Variants in FTCDNL1 observed in about 807,000 individuals in gnomAD.
The protein encoded by FTCDNL1 is formiminotransferase N-terminal subdomain-containing protein.
In FTCDNL1, 11 loss-of-function variants were observed where a neutral mutation model predicts 5.9. That is an observed-to-expected ratio of 1.87 (90% confidence interval 1.18 to 3.10). FTCDNL1 has a LOEUF of 3.10. Among genes scored for constraint, FTCDNL1 ranks in the 30% most tolerant of loss-of-function variants. The pLI, the probability that FTCDNL1 is intolerant of heterozygous loss-of-function variation, is 0.00. For synonymous variants in FTCDNL1, 58 were observed against 24.8 expected (o/e 2.34, Z -3.99); for missense variants, 115 against 65.5 (o/e 1.76, Z -2.61).
chr2:199,769,223 T>C (rs1456181399), intron 3 of FTCDNL1, among the ~76,000 whole-genome samples: 1 of 152,106 alleles, frequency 6.6e-6, no homozygotes, highest in African/African-American at 2.4e-5. Context: ...AGAAAAAAAT[T>C]GAAGGAGTGA....
chr2:199,763,822 G>C (rs570867981), intron 3 of FTCDNL1, among the ~76,000 whole-genome samples: 1 of 152,126 alleles, frequency 6.6e-6, no homozygotes, highest in Non-Finnish European at 1.5e-5. Flanking sequence ...AAATGACAAT[G>C]TTGGAATATT....
the FTCDNL1 span, among the ~76,000 whole-genome samples, chr2:199,723,918 T>C: frequency 6.6e-6 from 1 of 151,996 alleles, no homozygotes; most frequent in Non-Finnish European, 1.5e-5. Context: ...TAGGGAGGAG[T>C]CCCTCCTTTT....
chr2:199,790,315 T>G (rs754132773), intron 3 of FTCDNL1, among the ~76,000 whole-genome samples: 1 of 151,932 alleles, frequency 6.6e-6, no homozygotes, highest in Non-Finnish European at 1.5e-5. Flanking sequence ...CTGGCCAACA[T>G]GGTGAAACCC....
intron 2 of FTCDNL1, among the ~76,000 whole-genome samples, chr2:199,847,832 G>T (rs1323211729): frequency 2.6e-5 from 4 of 152,148 alleles, no homozygotes; most frequent in Admixed American, 6.5e-5. Flanking sequence ...CAAAAAGCAT[G>T]CAAAATCACA....
chr2:199,715,791 G>C, the FTCDNL1 span, among the ~76,000 whole-genome samples: 1 of 151,990 alleles, frequency 6.6e-6, no homozygotes, highest in Non-Finnish European at 1.5e-5. Flanking sequence ...GAGCCAATGG[G>C]GCAAGAATAA....
At chr2:199,804,431 A>C (rs1412949353), downstream of FTCDNL1, among the ~76,000 whole-genome samples, 1 of 152,212 alleles carries the variant, frequency 6.6e-6, no homozygotes, top group Non-Finnish European at 1.5e-5. Flanking sequence ...TACTTATTTA[A>C]ATTATATAAT....
At chr2:199,807,051 T>A (rs190194342), downstream of FTCDNL1, among the ~76,000 whole-genome samples, 37 of 152,332 alleles carry the variant, frequency 2.4e-4, no homozygotes, top group East Asian at 7.1e-3. Flanking sequence ...GTAGGGCTGC[T>A]TCTAAGAGGC....
the FTCDNL1 span, among the ~76,000 whole-genome samples, chr2:199,704,507 A>G: frequency 6.6e-6 from 1 of 152,218 alleles, no homozygotes; most frequent in South Asian, 2.1e-4. Context: ...TACATGCAAA[A>G]TGCTGAAAAG....
downstream of FTCDNL1, among the ~76,000 whole-genome samples, chr2:199,757,449 T>A (rs1223488006): frequency 6.6e-6 from 1 of 152,110 alleles, no homozygotes; most frequent in African/African-American, 2.4e-5. Flanking sequence ...AGAATGTGAA[T>A]GCAAAGGATG....
chr2:199,780,847 G>T (rs1337802527), intron 3 of FTCDNL1, among the ~76,000 whole-genome samples: 1 of 152,128 alleles, frequency 6.6e-6, no homozygotes, highest in East Asian at 1.9e-4. Flanking sequence ...GTGTGACCAG[G>T]ATCAAATGTC....
At chr2:199,723,697 T>C in the FTCDNL1 span, among the ~76,000 whole-genome samples, 1 of 152,124 alleles carries the variant, frequency 6.6e-6, no homozygotes, top group East Asian at 1.9e-4. Flanking sequence ...TGTTAGTGTG[T>C]ATATGTTGAA....
chr2:199,817,649 G>A (rs1457717811), intron 4 of FTCDNL1, among the ~76,000 whole-genome samples: 1 of 151,802 alleles, frequency 6.6e-6, no homozygotes, highest in Non-Finnish European at 1.5e-5. Flanking sequence ...AGGATGAGGT[G>A]GGGGAATCAC....
the FTCDNL1 span, among the ~76,000 whole-genome samples, chr2:199,690,455 C>T: frequency 9.8e-5 from 15 of 152,322 alleles, no homozygotes; most frequent in African/African-American, 3.6e-4. Context: ...CTTCCTCTCT[C>T]ACCGGCTGTC....
At chr2:199,769,892 C>A (rs531719354) in intron 3 of FTCDNL1, among the ~76,000 whole-genome samples, 2 of 152,170 alleles carry the variant, frequency 1.3e-5, no homozygotes, top group African/African-American at 4.8e-5. Context: ...CTACAAGGAA[C>A]CTGACTGATT....
At chr2:199,819,893 A>G in intron 3 of FTCDNL1, 136 bp from the exon 4 acceptor site, 1 of 602,124 alleles carries the variant, frequency 1.7e-6, no homozygotes, top group South Asian at 2.0e-5. Flanking sequence ...AAGTGTCCAG[A>G]TCAGTGGCAT....
chr2:199,670,783 C>T, the FTCDNL1 span, among the ~76,000 whole-genome samples: 1 of 152,152 alleles, frequency 6.6e-6, no homozygotes, highest in African/African-American at 2.4e-5. Context: ...GGCTGAGATG[C>T]ACAGGCAGAG....
downstream of FTCDNL1, among the ~76,000 whole-genome samples, chr2:199,807,335 T>C (rs1700779879): frequency 6.6e-6 from 1 of 152,202 alleles, no homozygotes; most frequent in African/African-American, 2.4e-5. Context: ...GTGTCTGTGC[T>C]TGTTTTAAAA....
At chr2:199,809,078 A>C (rs1700883243), downstream of FTCDNL1, among the ~76,000 whole-genome samples, 1 of 152,162 alleles carries the variant, frequency 6.6e-6, no homozygotes, top group Non-Finnish European at 1.5e-5. Flanking sequence ...CACGTCTAAA[A>C]ACCATACCTA....
At chr2:199,687,305 A>G in the FTCDNL1 span, among the ~76,000 whole-genome samples, 1 of 152,222 alleles carries the variant, frequency 6.6e-6, no homozygotes. Flanking sequence ...GCCTTGGTCA[A>G]AGGCAGAATT....
Sources: allele counts gnomAD v4.1 joint callset (sites outside exome capture counted in the v4.1 genomes callset), GRCh38; gene constraint gnomAD v4.1.1; transcripts MANE v1.5; gene names NCBI Gene and HGNC (gene_info 2026-07-23, HGNC 2026-07-21).